Variants in CEP63 observed in about 807,000 individuals in gnomAD.
CEP63 encodes the protein centrosomal protein 63, also known as centrosomal protein of 63 kDa.
In CEP63, 84 loss-of-function variants were observed where a neutral mutation model predicts 89.1. The ratio of observed to expected loss-of-function variants is 0.94; its 90% CI spans 0.79 to 1.13. The LOEUF (loss-of-function observed/expected upper bound fraction) is 1.13, where lower values mean the gene tolerates loss of function less well. Ranked by LOEUF, CEP63 falls within the 50% of genes most tolerant of loss-of-function variation. CEP63 has a pLI of 0.00. For synonymous variants in CEP63, 267 were observed against 272.5 expected (o/e 0.98, Z 0.20); for missense variants, 838 against 813.3 (o/e 1.03, Z -0.37).
the CEP63 span, chr3:134,608,587 G>A: frequency 6.2e-6 from 10 of 1,613,210 alleles, no homozygotes; most frequent in Admixed American, 1.7e-4. Flanking sequence ...GCGGGCTCCT[G>A]GAGGACAGTG....
chr3:134,760,316 C>T, the CEP63 span, among the ~76,000 whole-genome samples: 2 of 152,152 alleles, frequency 1.3e-5, no homozygotes, highest in South Asian at 4.1e-4. Context: ...GCCTCGGCCT[C>T]CCAAAGTGCT....
chr3:134,557,980 T>A (rs1051061854), intron 12 of CEP63, among the ~76,000 whole-genome samples, 162 bp from the exon 13 acceptor site: 2 of 152,216 alleles, frequency 1.3e-5, no homozygotes, highest in African/African-American at 2.4e-5. Context: ...ACTTGAAGAA[T>A]TCTTTATCTC....
intron 11 of CEP63, among the ~76,000 whole-genome samples, chr3:134,572,391 T>C (rs1428433113): frequency 6.6e-6 from 1 of 152,190 alleles, no homozygotes; most frequent in Non-Finnish European, 1.5e-5. Context: ...AGACAGTTTT[T>C]CAACCCTTGC....
At chr3:134,559,000 AAG>A in intron 13 of CEP63, 148 bp from the exon 14 acceptor site, 1 of 738,878 alleles carries the variant, frequency 1.4e-6, no homozygotes, top group Admixed American at 2.8e-5. Flanking sequence ...GAATGAATGA[AAG>A]AAATCTCTTT....
the CEP63 span, among the ~76,000 whole-genome samples, chr3:134,652,134 G>A: frequency 2.0e-5 from 3 of 152,068 alleles, no homozygotes; most frequent in Non-Finnish European, 4.4e-5. Flanking sequence ...GTGTGACCTT[G>A]GACCAGCCAT....
the CEP63 span, among the ~76,000 whole-genome samples, chr3:134,701,328 A>T: frequency 1.2e-5 from 1 of 85,328 alleles, no homozygotes; most frequent in Non-Finnish European, 2.5e-5. Context: ...ATATATACAT[A>T]TACACACACA....
chr3:134,559,383 A>T lies in CEP63; in HGVS notation c.1907A>T (p.Asp636Val). ...ALDTNEANFSDTMSESMNDQE... is the reference protein window; with the variant it reads ...ALDTNEANFSVTMSESMNDQE... ...GATACAAATGAAGCCAATTTTTCTG[A>T]CACTATGTCTGAGAGTATGAATGAC... The change falls in exon 14 of 15, where the codon GAC becomes GTC. Residue 636 changes from aspartate (D) to valine (V), a missense_variant. Coordinates refer to ENST00000675561, the MANE Select transcript of CEP63 (RefSeq NM_001353108.3). 5 of 1,614,016 alleles carry T rather than the reference A, an allele frequency of 3.1e-6. No homozygotes were observed. Among genetic ancestry groups the T allele is most frequent in the Non-Finnish European group, 4.2e-6 (5 of 1,179,870 alleles).
At chr3:134,770,421 C>A in the CEP63 span, among the ~76,000 whole-genome samples, 1 of 152,268 alleles carries the variant, frequency 6.6e-6, no homozygotes, top group East Asian at 1.9e-4. Flanking sequence ...ATAAGGATTG[C>A]ACAAATAATT....
chr3:134,708,982 A>T, the CEP63 span, among the ~76,000 whole-genome samples: 1 of 152,160 alleles, frequency 6.6e-6, no homozygotes, highest in South Asian at 2.1e-4. Context: ...GCTCAGGAAA[A>T]AAACCACTGT....
the CEP63 span, among the ~76,000 whole-genome samples, chr3:134,777,388 C>T: frequency 6.6e-6 from 1 of 151,878 alleles, no homozygotes; most frequent in Non-Finnish European, 1.5e-5. Flanking sequence ...AGAAAATGAT[C>T]TTTTTTTTCA....
At chr3:134,609,428 G>A in the CEP63 span, among the ~76,000 whole-genome samples, 7 of 152,314 alleles carry the variant, frequency 4.6e-5, no homozygotes, top group Admixed American at 3.3e-4. Flanking sequence ...CTGTGAGTAC[G>A]CGAGCCCTGC....
rs143606149 is a variant in CEP63, at chr3:134,514,623, GA to G, written c.222+7341del. On this transcript the variant is annotated intron_variant, in intron 3 of 14. Transcript: ENST00000675561. ...TTGTCAGCCAAAAAAGTGAAAGCCA[GA>G]AAACAATAAAATGTCTACAAAGAAA... 7.5e-3 allele frequency among the ~76,000 whole-genome samples: 1,137 copies of G among 152,238 alleles called. 23 individuals are homozygous for G. Among genetic ancestry groups the G allele is most frequent in the South Asian group, 0.074 (356 of 4,828 alleles).
chr3:134,572,911 C>T (rs1958073012), intron 11 of CEP63, among the ~76,000 whole-genome samples: 2 of 152,178 alleles, frequency 1.3e-5, no homozygotes, highest in Non-Finnish European at 2.9e-5. Flanking sequence ...GCGACCACAC[C>T]AGCATCTGTT....
chr3:134,539,602 A>G (rs986601414), intron 6 of CEP63, among the ~76,000 whole-genome samples: 1 of 152,158 alleles, frequency 6.6e-6, no homozygotes, highest in Admixed American at 6.5e-5. Flanking sequence ...AGGTTGATGT[A>G]TTGCATTTGG....
chr3:134,581,670 G>A (rs1455889378), intron 10 of CEP63, among the ~76,000 whole-genome samples: 1 of 131,722 alleles, frequency 7.6e-6, no homozygotes, highest in Non-Finnish European at 1.6e-5. Context: ...ACACATTCAT[G>A]ATGAAAACAT....
At chr3:134,551,754 T>TATATAC (rs1487318946) in intron 11 of CEP63, among the ~76,000 whole-genome samples, 172 bp from the exon 12 acceptor site, 87 of 21,790 alleles carry the variant, frequency 4.0e-3, no homozygotes, top group Admixed American at 0.028. Flanking sequence ...TATATATATA[T>TATATAC]ACACACACAC....
chr3:134,570,171 A>G (rs746438623), intron 11 of CEP63, among the ~76,000 whole-genome samples: 15 of 152,138 alleles, frequency 9.9e-5, no homozygotes, highest in Non-Finnish European at 1.9e-4. Flanking sequence ...TGCCCTGGAG[A>G]TATTTTCCCC....
chr3:134,664,740 A>G, the CEP63 span, among the ~76,000 whole-genome samples: 1 of 147,494 alleles, frequency 6.8e-6, no homozygotes, highest in Admixed American at 6.9e-5. Context: ...TACTAGTACC[A>G]TGGAATGTTG....
At chr3:134,643,344 G>A in the CEP63 span, 3 of 1,613,836 alleles carry the variant, frequency 1.9e-6, no homozygotes, top group Admixed American at 3.3e-5. Flanking sequence ...TGATGACCTG[G>A]GGCTGCTGAG....
Sources: allele counts gnomAD v4.1 joint callset (sites outside exome capture counted in the v4.1 genomes callset), GRCh38; gene constraint gnomAD v4.1.1; transcripts MANE v1.5; gene names NCBI Gene and HGNC (gene_info 2026-07-23, HGNC 2026-07-21).